Variants in GALNT18 observed in about 807,000 individuals in gnomAD.
GALNT18 encodes the protein GalNAc-transferase 18.
In GALNT18, 44 loss-of-function variants were observed where a neutral mutation model predicts 69.5. The observed-to-expected ratio is 0.63, with a 90% CI of 0.50 to 0.81. The LOEUF is 0.81. Ranked by LOEUF, GALNT18 falls within the 40% of genes least tolerant of loss-of-function variation. GALNT18 has a pLI of 0.00. For missense variants in GALNT18, 715 were observed against 810.0 expected (o/e 0.88, Z 1.42); for synonymous variants, 364 against 318.2 (o/e 1.14, Z -1.53).
Position 11,613,861 on chromosome 11 carries a change from C to T in GALNT18, c.235+7498G>A, listed in dbSNP as rs1055410829. 2.6e-5 allele frequency among the ~76,000 whole-genome samples: 4 copies of T among 152,204 alleles called. No homozygotes were observed. The highest frequency in any genetic ancestry group is 6.5e-5 in the Admixed American group (1 of 15,286). On this transcript the variant is annotated intron_variant, in intron 1 of 10. Coordinates refer to ENST00000227756, the MANE Select transcript of GALNT18 (RefSeq NM_198516.3). This position sits in a 1 kb window ranked among gnomAD's most constrained non-coding sequence, Gnocchi z 4.2. Reference sequence around the variant, plus strand: ...CCAACTTGTATGGCTTCTGCCCTTCCGCTTCATGCATAATTCCATCTCTCC... The same window carrying T: ...CCAACTTGTATGGCTTCTGCCCTTCTGCTTCATGCATAATTCCATCTCTCC...
intron 9 of GALNT18, among the ~76,000 whole-genome samples, chr11:11,316,596 T>C (rs1849759758): frequency 6.6e-6 from 1 of 152,224 alleles, no homozygotes. Context: ...GCTTTAGTAT[T>C]TCAAAAACGT....
At chr11:11,386,190 T>C (rs1854052376) in intron 3 of GALNT18, among the ~76,000 whole-genome samples, 1 of 152,158 alleles carries the variant, frequency 6.6e-6, no homozygotes, top group Non-Finnish European at 1.5e-5. Flanking sequence ...TAACCCAGCT[T>C]CCTCACTTAT....
rs1859650160 is a variant in GALNT18, at chr11:11,602,238, C to G, written c.235+19121G>C. ...GTAGTCACTGATCTTCTTGAATTGT[C>G]TCTCCTGTTATGAAACCTCCACCCT... On this transcript the variant is annotated intron_variant, in intron 1 of 10. Coordinates refer to ENST00000227756, the MANE Select transcript of GALNT18 (RefSeq NM_198516.3). This position sits in a 1 kb window ranked among gnomAD's most constrained non-coding sequence, Gnocchi z 4.7. Among the ~76,000 whole-genome samples, 1 of 152,144 alleles carries G rather than the reference C, an allele frequency of 6.6e-6. No homozygotes were observed. The highest frequency in any genetic ancestry group is 2.1e-4 in the South Asian group (1 of 4,826).
chr11:11,370,597 A>AAC (rs1850878632), intron 6 of GALNT18, among the ~76,000 whole-genome samples: 1 of 152,136 alleles, frequency 6.6e-6, no homozygotes. Context: ...GGAAAAAAAA[A>AAC]AAAACCAGAT....
At position 11,435,815 on chromosome 11, in the gene GALNT18, G is replaced by A. The variant is rs1352435262; in HGVS notation, c.429-3028C>T. Reference sequence around the variant, plus strand: ...TCCTCCCGCCGACCAGCAGGCTCCTGTTCTCCCATCCTCCCTCCTCTTGCG... The same window carrying A: ...TCCTCCCGCCGACCAGCAGGCTCCTATTCTCCCATCCTCCCTCCTCTTGCG... On this transcript the variant is annotated intron_variant, in intron 2 of 10. Coordinates refer to ENST00000227756, the MANE Select transcript of GALNT18 (RefSeq NM_198516.3). The surrounding 1 kb of genome is among the most constrained non-coding windows in gnomAD (Gnocchi z 4.4). 6.6e-6 allele frequency among the ~76,000 whole-genome samples: 1 copy of A among 152,186 alleles called. No individual in the cohort carries two copies. Among genetic ancestry groups the A allele is most frequent in the Admixed American group, 6.5e-5 (1 of 15,284 alleles).
At chr11:11,468,425 C>A (rs1169737761) in intron 1 of GALNT18, among the ~76,000 whole-genome samples, 3 of 152,204 alleles carry the variant, frequency 2.0e-5, no homozygotes, top group Non-Finnish European at 2.9e-5. Flanking sequence ...GCCTGCCATG[C>A]AGCTCTAAGA....
Position 11,590,126 on chromosome 11 carries a change from C to T in GALNT18, c.235+31233G>A, listed in dbSNP as rs1565030195. On this transcript the variant is annotated intron_variant, in intron 1 of 10. Coordinates refer to ENST00000227756, the MANE Select transcript of GALNT18 (RefSeq NM_198516.3). The surrounding 1 kb of genome is among the most constrained non-coding windows in gnomAD (Gnocchi z 4.4). ...CTGTGTGTTCACTAAAACCACCTTC[C>T]TTTCTTCCAGGGAAACCAGGTAGAC... is the stretch of plus-strand genomic sequence containing the variant. Among the ~76,000 whole-genome samples, 1 of 152,238 alleles carries T rather than the reference C, an allele frequency of 6.6e-6. No homozygotes were observed. Among genetic ancestry groups the T allele is most frequent in the South Asian group, 2.1e-4 (1 of 4,828 alleles).
chr11:11,421,156 G>C lies in GALNT18; in HGVS notation c.595+11465C>G, dbSNP rs1480503962. 1.3e-5 allele frequency among the ~76,000 whole-genome samples: 2 copies of C among 152,096 alleles called. No homozygotes were observed. Among genetic ancestry groups the C allele is most frequent in the South Asian group, 2.1e-4 (1 of 4,822 alleles). On this transcript the variant is annotated intron_variant, in intron 3 of 10. Transcript: ENST00000227756. The surrounding 1 kb of genome is among the most constrained non-coding windows in gnomAD (Gnocchi z 5.6). ...CTGTATCGAGTAAAGGGGACAAGAG[G>C]AGTGATGAGCTACCCACACCACTGC...
intron 7 of GALNT18, among the ~76,000 whole-genome samples, chr11:11,334,077 C>G (rs903833856): frequency 6.6e-6 from 1 of 152,066 alleles, no homozygotes; most frequent in African/African-American, 2.4e-5. Context: ...ACACTGTGGT[C>G]CATATGCTCT....
intron 6 of GALNT18, among the ~76,000 whole-genome samples, chr11:11,353,542 C>A (rs770503349): frequency 6.6e-6 from 1 of 152,202 alleles, no homozygotes; most frequent in Non-Finnish European, 1.5e-5. Flanking sequence ...TGAAGATGAA[C>A]CACTTACTCA....
intron 3 of GALNT18, among the ~76,000 whole-genome samples, chr11:11,394,662 C>T (rs1254343771): frequency 6.6e-6 from 1 of 152,214 alleles, no homozygotes; most frequent in African/African-American, 2.4e-5. Flanking sequence ...CACTAAGCTC[C>T]ACGCCTCAAT....
Position 11,293,077 on chromosome 11 carries a change from G to A in GALNT18, c.1629C>T (p.Cys543=). The change falls in exon 10 of 11, where the codon TGC becomes TGT. Residue 543 remains cysteine (C), a synonymous_variant. Transcript: ENST00000227756. ...TCATCCTCTTGGCTTTGGCGTAGCT[G>A]CATTCGATGAGCCGGGGCCGGCTGT... The part of the protein sequence containing the change: ...DVNSRPRLIE[C]SYAKAKRMKL... The A allele has an allele frequency of 7.2e-7, 1 of 1,389,510 alleles. No individual in the cohort carries two copies. The highest frequency in any genetic ancestry group is 9.4e-7 in the Non-Finnish European group (1 of 1,062,948). The allele number at this position is 1,389,510 out of a possible 1,614,324, so 86.1% of individuals were successfully genotyped here.
chr11:11,288,723 G>A (rs557859099), intron 10 of GALNT18, among the ~76,000 whole-genome samples: 31 of 152,198 alleles, frequency 2.0e-4, no homozygotes, highest in Non-Finnish European at 3.4e-4. Flanking sequence ...AGTATCTAAC[G>A]CTGTCCTGGT....
chr11:11,517,743 A>G (rs980234606), intron 1 of GALNT18, among the ~76,000 whole-genome samples: 4 of 152,058 alleles, frequency 2.6e-5, no homozygotes, highest in Non-Finnish European at 5.9e-5. Context: ...GTCCTTGCTG[A>G]GCCATCTAGG....
intron 1 of GALNT18, among the ~76,000 whole-genome samples, chr11:11,482,107 C>T (rs1856543917): frequency 6.6e-6 from 1 of 152,208 alleles, no homozygotes; most frequent in South Asian, 2.1e-4. Flanking sequence ...GGCTGAGGCC[C>T]ATAGCAGGAG....
At chr11:11,427,288 A>G (rs1855155384) in intron 3 of GALNT18, among the ~76,000 whole-genome samples, 1 of 152,220 alleles carries the variant, frequency 6.6e-6, no homozygotes, top group African/African-American at 2.4e-5. Flanking sequence ...CTAAAGGTCT[A>G]GAGAGGCTTG....
chr11:11,477,810 G>T (rs902004108), intron 1 of GALNT18, among the ~76,000 whole-genome samples: 2 of 152,164 alleles, frequency 1.3e-5, no homozygotes, highest in African/African-American at 2.4e-5. Flanking sequence ...TGATAACAAA[G>T]ATACAGATGC....
intron 10 of GALNT18, among the ~76,000 whole-genome samples, chr11:11,275,206 G>A (rs1848916416): frequency 6.6e-6 from 1 of 152,192 alleles, no homozygotes; most frequent in Admixed American, 6.5e-5. Context: ...TCTAGCATCT[G>A]TTGTTTCCTG....
Position 11,338,003 on chromosome 11 carries a change from ACC to A in GALNT18, c.1278+2814_1278+2815del, listed in dbSNP as rs1850142667. Among the ~76,000 whole-genome samples, 1 of 133,868 alleles carries A rather than the reference ACC, an allele frequency of 7.5e-6. No individual in the cohort carries two copies. The highest frequency in any genetic ancestry group is 8.9e-5 in the Admixed American group (1 of 11,246). 87.8% of individuals were successfully genotyped at this position (133,868 alleles called of 152,430 possible). ...TTTTTTGAGACAGTCTCGCTCTGTC[ACC>A]CAGGCTGGAGTGAGTGCAGTGGCAC... On this transcript the variant is annotated intron_variant, in intron 7 of 10. Coordinates refer to ENST00000227756, the MANE Select transcript of GALNT18 (RefSeq NM_198516.3). The surrounding 1 kb of genome is among the most constrained non-coding windows in gnomAD (Gnocchi z 5.3).
Sources: gnomAD v4.1 joint callset for allele counts (sites outside exome capture counted in the v4.1 genomes callset) on GRCh38, gnomAD v4.1.1 for gene constraint, Gnocchi (gnomAD v3.1) non-coding constraint, MANE v1.5 for transcripts, NCBI Gene and HGNC (gene_info 2026-07-23, HGNC 2026-07-21) for gene names.